The following ADAMTS2 variants were observed in gnomAD, a reference collection of about 807,000 sequenced individuals.
The protein encoded by ADAMTS2 is A disintegrin and metalloproteinase with thrombospondin motifs 2.
A neutral mutation model predicts 123.0 loss-of-function variants in ADAMTS2; 50 were observed. The observed-to-expected ratio is 0.41, with a 90% confidence interval of 0.32 to 0.51. The LOEUF is 0.51. ADAMTS2 is among the 20% of genes least tolerant of loss of function. ADAMTS2 has a pLI of 0.35. For missense variants in ADAMTS2, 1,494 were observed against 1,705.2 expected (o/e 0.88, Z 2.18); for synonymous variants, 678 against 695.4 (o/e 0.98, Z 0.39).
chr5:179,207,994 G>A (rs1311158177), intron 3 of ADAMTS2, among the ~76,000 whole-genome samples: 2 of 152,074 alleles, frequency 1.3e-5, no homozygotes, highest in African/African-American at 4.8e-5. Context: ...GGGCCACAGT[G>A]GCCTCCACAC....
At chr5:179,281,288 A>G (rs953608966) in intron 2 of ADAMTS2, among the ~76,000 whole-genome samples, 2 of 152,236 alleles carry the variant, frequency 1.3e-5, no homozygotes, top group Admixed American at 6.5e-5. Context: ...GAACATTTTC[A>G]TCACCCCAAA....
chr5:179,257,044 A>T (rs1177427824), intron 3 of ADAMTS2, among the ~76,000 whole-genome samples: 1 of 152,222 alleles, frequency 6.6e-6, no homozygotes, highest in Non-Finnish European at 1.5e-5. Flanking sequence ...CATGGGGAGC[A>T]CCAAGGACAC....
chr5:179,118,657 A>T lies in ADAMTS2; in HGVS notation c.3178+3004T>A, dbSNP rs976486201. Among the ~76,000 whole-genome samples, 4 of 152,246 alleles carry T rather than the reference A, an allele frequency of 2.6e-5. No homozygotes were observed. Among genetic ancestry groups the T allele is most frequent in the African/African-American group, 4.8e-5 (2 of 41,466 alleles). On this transcript the variant is annotated intron_variant, in intron 21 of 21. Transcript: ENST00000251582. The surrounding 1 kb of genome is among the most constrained non-coding windows in gnomAD (Gnocchi z 4.5). Reference sequence around the variant, plus strand: ...GAAAGCTACTGCAGTGAACAAAGGTAACCCTAAAATAGGAATACAAAAAAA... The same window carrying T: ...GAAAGCTACTGCAGTGAACAAAGGTTACCCTAAAATAGGAATACAAAAAAA...
chr5:179,279,327 C>A (rs1766828378), intron 2 of ADAMTS2, among the ~76,000 whole-genome samples: 1 of 148,908 alleles, frequency 6.7e-6, no homozygotes, highest in Non-Finnish European at 1.5e-5. Context: ...AAACTCACCT[C>A]CCTCCGAAAT....
In ADAMTS2 at chr5:179,317,366, C is replaced by T. The variant is rs187550290; in HGVS notation, c.534+26401G>A. 4.6e-5 allele frequency among the ~76,000 whole-genome samples: 7 copies of T among 152,328 alleles called. No individual in the cohort carries two copies. Among genetic ancestry groups the T allele is most frequent in the Admixed American group, 2.0e-4 (3 of 15,306 alleles). The stretch of plus-strand genomic sequence containing the variant: ...CACATCTCATCCAAGCCTGCTCGGA[C>T]GCTGCCCTTCTGACCCCGATTCCTG... On this transcript the variant is annotated intron_variant, in intron 2 of 21. Transcript: ENST00000251582. The surrounding 1 kb of genome is among the most constrained non-coding windows in gnomAD (Gnocchi z 4.9).
At chr5:179,244,437 T>C (rs1765737300) in intron 3 of ADAMTS2, among the ~76,000 whole-genome samples, 1 of 152,178 alleles carries the variant, frequency 6.6e-6, no homozygotes, top group Non-Finnish European at 1.5e-5. Flanking sequence ...TAAGGTGCAA[T>C]ATAGACAGTC....
chr5:179,123,489 G>A (rs1214693127), intron 19 of ADAMTS2, among the ~76,000 whole-genome samples: 2 of 152,166 alleles, frequency 1.3e-5, no homozygotes, highest in African/African-American at 4.8e-5. Flanking sequence ...ACAGTGGCAC[G>A]ATATCAGCAC....
chr5:179,235,505 G>A (rs1765502895), intron 3 of ADAMTS2, among the ~76,000 whole-genome samples: 1 of 152,196 alleles, frequency 6.6e-6, no homozygotes, highest in Admixed American at 6.5e-5. Context: ...GAATGAGCGA[G>A]GGGCCCTTAA....
At chr5:179,153,452 A>G (rs1295725227) in intron 9 of ADAMTS2, 39 bp downstream of exon 9, 3 of 1,602,328 alleles carry the variant, frequency 1.9e-6, no homozygotes, top group Non-Finnish European at 2.5e-6. Flanking sequence ...GCCTCCCCCC[A>G]GACCTGGGAG....
At chr5:179,195,335 G>A (rs758089200) in intron 4 of ADAMTS2, among the ~76,000 whole-genome samples, 8 of 152,210 alleles carry the variant, frequency 5.3e-5, no homozygotes, top group Admixed American at 3.9e-4. Flanking sequence ...AGCACAGGGC[G>A]CAGCAGGACA....
At chr5:179,182,287 T>C (rs562336658) in intron 4 of ADAMTS2, among the ~76,000 whole-genome samples, 12 of 152,202 alleles carry the variant, frequency 7.9e-5, no homozygotes, top group Non-Finnish European at 1.5e-4. Context: ...ATTGGCACCA[T>C]CAAGAAGTGG....
At chr5:179,183,739 G>A (rs986327718) in intron 4 of ADAMTS2, among the ~76,000 whole-genome samples, 1 of 152,226 alleles carries the variant, frequency 6.6e-6, no homozygotes, top group South Asian at 2.1e-4. Context: ...GGAGAGGAGG[G>A]CAGGCCTGCT....
intron 3 of ADAMTS2, among the ~76,000 whole-genome samples, chr5:179,224,317 G>A (rs1337840937): frequency 6.6e-6 from 1 of 152,170 alleles, no homozygotes; most frequent in East Asian, 1.9e-4. Context: ...CTGACAACAC[G>A]CTGCCGGCCG....
chr5:179,335,316 G>T (rs1191956874), intron 2 of ADAMTS2, among the ~76,000 whole-genome samples: 1 of 152,104 alleles, frequency 6.6e-6, no homozygotes, highest in Non-Finnish European at 1.5e-5. Context: ...ACTTTAAAAT[G>T]ATCTATTAAA....
intron 2 of ADAMTS2, among the ~76,000 whole-genome samples, chr5:179,321,257 T>A (rs966122139): frequency 6.6e-6 from 1 of 152,070 alleles, no homozygotes; most frequent in Non-Finnish European, 1.5e-5. Context: ...CACACACATC[T>A]ACACAAGCGC....
intron 12 of ADAMTS2, among the ~76,000 whole-genome samples, chr5:179,136,961 C>G (rs905808131): frequency 5.4e-5 from 8 of 148,506 alleles, no homozygotes; most frequent in African/African-American, 1.7e-4. Context: ...CAGAGTGAGA[C>G]TCCGTCTCAA....
chr5:179,250,802 G>A (rs1765902263), intron 3 of ADAMTS2, among the ~76,000 whole-genome samples: 1 of 152,218 alleles, frequency 6.6e-6, no homozygotes, highest in African/African-American at 2.4e-5. Flanking sequence ...CTGGCTGATG[G>A]GAGGCCAATG....
chr5:179,132,348 G>A lies in ADAMTS2; in HGVS notation c.2210-38C>T, dbSNP rs1475101147. 7 of 1,596,586 alleles carry A rather than the reference G, an allele frequency of 4.4e-6. No individual in the cohort carries two copies. The highest frequency in any genetic ancestry group is 6.0e-6 in the Non-Finnish European group (7 of 1,165,130). On this transcript the variant is annotated intron_variant, in intron 14 of 21. Transcript: ENST00000251582. The surrounding 1 kb of genome is among the most constrained non-coding windows in gnomAD (Gnocchi z 6.1). ...TGGAAAGACACAGAAAACTGAGAAG[G>A]GAAGGCGCCGCTCAAATTCGCACCA...
At chr5:179,119,098 G>A (rs138122886) in intron 21 of ADAMTS2, among the ~76,000 whole-genome samples, 76 of 152,340 alleles carry the variant, frequency 5.0e-4, no homozygotes, top group Admixed American at 3.6e-3. Context: ...TGTAGGCGGC[G>A]TCTCTAGCTC....
Sources: gnomAD v4.1 joint callset for allele counts (sites outside exome capture counted in the v4.1 genomes callset) on GRCh38, gnomAD v4.1.1 for gene constraint, Gnocchi (gnomAD v3.1) non-coding constraint, MANE v1.5 for transcripts, NCBI Gene and HGNC (gene_info 2026-07-23, HGNC 2026-07-21) for gene names.